Variants in NPIPB11 observed in about 807,000 individuals in gnomAD.
NPIPB11 encodes nuclear pore complex-interacting protein family member B11.
NPIPB11 carries 17 observed loss-of-function variants against 32.8 expected under a neutral mutation model. That is an observed-to-expected ratio of 0.52 (90% CI 0.35 to 0.78). The LOEUF (loss-of-function observed/expected upper bound fraction) is 0.78. Ranked by LOEUF, NPIPB11 falls within the 30% of genes least tolerant of loss-of-function variation. The pLI is 0.01. For missense variants in NPIPB11, 537 were observed against 1,000.4 expected, an observed-to-expected ratio of 0.54 and a Z score of 6.25; for synonymous variants, 209 against 398.4, an observed-to-expected ratio of 0.52 and a Z score of 5.66.
chr16:29,390,988 G>A (rs1963708200), intron 3 of NPIPB11, among the ~76,000 whole-genome samples: 1 of 144,710 alleles, frequency 6.9e-6, no homozygotes, highest in Non-Finnish European at 1.5e-5. Context: ...AAAAAAATAG[G>A]CCACCTGCGG....
At chr16:29,405,535 G>T (rs1166035748), upstream of NPIPB11, among the ~76,000 whole-genome samples, 1 of 152,134 alleles carries the variant, frequency 6.6e-6, no homozygotes, top group Non-Finnish European at 1.5e-5. Context: ...CTGCTAGCAA[G>T]CTTGCAAGGT....
chr16:29,394,013 G>A lies in NPIPB11; in HGVS notation c.184C>T (p.His62Tyr), dbSNP rs534211537. The A allele has an allele frequency of 7.8e-5, 125 of 1,599,508 alleles. No individual in the cohort carries two copies. In the African/African-American group the frequency reaches 1.5e-3, roughly 19 times the overall value. ...CTTGTCGGAAACGCAATAATAATAT[G>A]TAACCAAGGACTTCCACCAAAGTCA... Residue 62 changes from histidine to tyrosine, a missense_variant, in exon 3 of 8, where the codon CAT becomes TAT. Physicochemically the swap from His to Tyr is moderately conservative, Grantham distance 83 (BLOSUM62 2). Transcript: ENST00000524087.
intron 5 of NPIPB11, among the ~76,000 whole-genome samples, chr16:29,389,089 A>G (rs1373842137): frequency 2.6e-5 from 4 of 151,572 alleles, no homozygotes; most frequent in Non-Finnish European, 5.9e-5. Flanking sequence ...CAGCTACTCA[A>G]GAGGCTGAGA....
At chr16:29,402,222 C>G (rs1462227888) in intron 2 of NPIPB11, among the ~76,000 whole-genome samples, 2 of 125,688 alleles carry the variant, frequency 1.6e-5, no homozygotes, top group Admixed American at 1.7e-4. Flanking sequence ...AGTGAGTACT[C>G]AATGTTAGCC....
chr16:29,392,291 C>T (rs1963742112), intron 3 of NPIPB11, among the ~76,000 whole-genome samples: 2 of 152,080 alleles, frequency 1.3e-5, no homozygotes, highest in African/African-American at 4.8e-5. Context: ...CCCATGATGT[C>T]CCTGCTTAGG....
rs1963500613 is a variant in NPIPB11 at position 29,381,893 on chromosome 16, C to CT, written c.3038_3039insA (p.Pro1014AlafsTer8). ...TATCATCCGCTGAGGGTGGAAGCGG[C>CT]CCCCGCAGACGCTCGGCAGGTGTCT... On this transcript the variant is annotated frameshift_variant, in exon 8 of 8. Coordinates refer to ENST00000524087, the Ensembl canonical transcript of NPIPB11. LOFTEE classifies it high-confidence loss of function. 1 of 492,570 alleles carries CT rather than the reference C, an allele frequency of 2.0e-6. No individual in the cohort carries two copies. Among genetic ancestry groups the CT allele is most frequent in the Non-Finnish European group, 3.4e-6 (1 of 295,804 alleles). The allele number at this position is 492,570 out of a possible 1,614,324, so 30.5% of individuals were successfully genotyped here.
In NPIPB11 at chr16:29,390,624, C is replaced by A. The variant is rs543121233; in HGVS notation, c.250-276G>T. Among the ~76,000 whole-genome samples, 118 of 145,078 alleles carry A rather than the reference C, an allele frequency of 8.1e-4. 1 individual carries two copies. The highest frequency in any genetic ancestry group is 2.5e-3 in the African/African-American group (99 of 39,440). ...CCGAGATCACACCACTGCACTCCAGCCTGAGCGACAGAATGAGACTCTGTC... is the reference window on the plus strand; with the variant it reads ...CCGAGATCACACCACTGCACTCCAGACTGAGCGACAGAATGAGACTCTGTC... On this transcript the variant is annotated intron_variant, in intron 3 of 7. Transcript: ENST00000524087.
chr16:29,394,121 A>C lies in NPIPB11; in HGVS notation c.121-45T>G, dbSNP rs780027319. ...AATAATGAAAAGGTCAATGACACTGACAATATTTCACTCAGAAAGAATCAT... is the reference window on the plus strand; with the variant it reads ...AATAATGAAAAGGTCAATGACACTGCCAATATTTCACTCAGAAAGAATCAT... On this transcript the variant is annotated intron_variant, in intron 2 of 7. Coordinates refer to ENST00000524087, the Ensembl canonical transcript of NPIPB11. 3.8e-6 allele frequency: 6 copies of C among 1,581,292 alleles called. No homozygotes were observed. The Admixed American group carries it at 1.0e-4, about 27-fold the overall frequency.
intron 5 of NPIPB11, 70 bp downstream of exon 5, chr16:29,389,871 G>A (rs1963669764): frequency 1.3e-6 from 2 of 1,572,622 alleles, no homozygotes; most frequent in South Asian, 1.1e-5. Flanking sequence ...TATTCTCAAG[G>A]ACTTTACAGT....
intron 2 of NPIPB11, among the ~76,000 whole-genome samples, chr16:29,401,198 G>A (rs1366936239): frequency 6.6e-6 from 1 of 152,140 alleles, no homozygotes; most frequent in Non-Finnish European, 1.5e-5. Flanking sequence ...TGTGCAATCT[G>A]AAAGGAACAG....
At chr16:29,391,808 C>A (rs569560820) in intron 3 of NPIPB11, among the ~76,000 whole-genome samples, 2 of 152,184 alleles carry the variant, frequency 1.3e-5, no homozygotes, top group South Asian at 4.1e-4. Context: ...GCAGCCTCCA[C>A]CTCCCAGATT....
intron 2 of NPIPB11, among the ~76,000 whole-genome samples, chr16:29,395,622 A>C (rs1242610965): frequency 6.9e-6 from 1 of 145,802 alleles, no homozygotes; most frequent in Non-Finnish European, 1.5e-5. Flanking sequence ...AAGTAAAAAA[A>C]AAAAAAAATA....
chr16:29,402,982 C>A (rs185937770), intron 2 of NPIPB11, among the ~76,000 whole-genome samples: 1 of 149,568 alleles, frequency 6.7e-6, no homozygotes, highest in African/African-American at 2.5e-5. Context: ...AATTATAGAA[C>A]ATATATATGT....
chr16:29,401,809 T>C (rs532697561), intron 2 of NPIPB11, among the ~76,000 whole-genome samples: 1 of 152,154 alleles, frequency 6.6e-6, no homozygotes, highest in Non-Finnish European at 1.5e-5. Context: ...TGCTCCTTTA[T>C]TCTCGTGGCA....
chr16:29,392,356 G>C (rs1298110998), intron 3 of NPIPB11, among the ~76,000 whole-genome samples: 1 of 151,664 alleles, frequency 6.6e-6, no homozygotes, highest in Non-Finnish European at 1.5e-5. Flanking sequence ...GTGCGAAGTT[G>C]TCCAAGTCCA....
exon 8 of NPIPB11, chr16:29,383,183 A>G (rs1255720894): frequency 1.9e-6 from 3 of 1,591,890 alleles, no homozygotes; most frequent in Non-Finnish European, 8.5e-7. Context: ...GATGCTCGGC[A>G]GGTGTCTTGA....
Position 29,397,972 on chromosome 16 carries a change from G to C in NPIPB11, c.121-3896C>G, listed in dbSNP as rs1258060316. 1.7e-3 allele frequency among the ~76,000 whole-genome samples: 159 copies of C among 95,036 alleles called. 1 individual carries two copies. The highest frequency in any genetic ancestry group is 2.5e-3 in the Non-Finnish European group (124 of 49,320). 62.3% of individuals were successfully genotyped at this position (95,036 alleles called of 152,430 possible). On this transcript the variant is annotated intron_variant, in intron 2 of 7. Coordinates refer to ENST00000524087, the Ensembl canonical transcript of NPIPB11. ...AACAGGACACGCGGGGCAAGGGAGC[G>C]TGAGGCTTAGGAGCAATTAGAGGGA...
chr16:29,390,512 G>C (rs1209028442), intron 3 of NPIPB11, among the ~76,000 whole-genome samples, 164 bp from the exon 4 acceptor site: 1 of 151,692 alleles, frequency 6.6e-6, no homozygotes, highest in Non-Finnish European at 1.5e-5. Context: ...AATTAGCCGG[G>C]CATGGCAGCG....
chr16:29,381,433 C>A, exon 8 of NPIPB11: 1 of 903,324 alleles, frequency 1.1e-6, no homozygotes, highest in South Asian at 1.4e-5. Context: ...GGCTTGAGTG[C>A]ACTGGCCTCT....
Sources: allele counts gnomAD v4.1 joint callset (sites outside exome capture counted in the v4.1 genomes callset), GRCh38; gene constraint gnomAD v4.1.1; transcripts MANE v1.5; gene names NCBI Gene and HGNC (gene_info 2026-07-23, HGNC 2026-07-21).